CHRM3: variants seen among roughly 807,000 people sequenced by gnomAD.
CHRM3 encodes muscarinic acetylcholine receptor M3.
Under a neutral mutation model 41.8 loss-of-function variants are expected in CHRM3, and 11 were observed. The observed-to-expected ratio is 0.26, with a 90% CI of 0.17 to 0.44. The LOEUF (loss-of-function observed/expected upper bound fraction) is 0.44. CHRM3 is among the 20% of genes least tolerant of loss of function. The pLI is 1.00. For synonymous variants in CHRM3, 297 were observed against 301.4 expected (o/e 0.99, Z 0.15); for missense variants, 571 against 745.4 (o/e 0.77, Z 2.72).
intron 3 of CHRM3, among the ~76,000 whole-genome samples, chr1:239,594,347 A>G (rs1213295308): frequency 6.6e-6 from 1 of 152,226 alleles, no homozygotes; most frequent in Non-Finnish European, 1.5e-5. Context: ...GGTGTGTATC[A>G]CAAGATGCAC....
chr1:239,873,540 T>C (rs1676774552), intron 6 of CHRM3, among the ~76,000 whole-genome samples: 1 of 151,748 alleles, frequency 6.6e-6, no homozygotes, highest in Non-Finnish European at 1.5e-5. Flanking sequence ...CCCCTCCCTA[T>C]GTCCATGTGT....
chr1:239,770,996 G>A (rs1295202578), intron 5 of CHRM3, among the ~76,000 whole-genome samples: 1 of 151,840 alleles, frequency 6.6e-6, no homozygotes, highest in Non-Finnish European at 1.5e-5. Context: ...GCTGAGGCAG[G>A]GGAATTGCTT....
Position 239,419,822 on chromosome 1 carries a change from C to T in CHRM3, c.-521+32595C>T, listed in dbSNP as rs144340207. On this transcript the variant is annotated intron_variant, in intron 1 of 6. Transcript: ENST00000676153. Reference sequence around the variant, plus strand: ...ATTCTTCATGGGCTTATAAGAGCTTCTCGAGGGAACCATCAAACTGAACAA... The same window carrying T: ...ATTCTTCATGGGCTTATAAGAGCTTTTCGAGGGAACCATCAAACTGAACAA... Among the ~76,000 whole-genome samples, 18 of 152,308 alleles carry T rather than the reference C, an allele frequency of 1.2e-4. 1 individual carries two copies. The highest frequency in any genetic ancestry group is 3.8e-4 in the African/African-American group (16 of 41,572).
chr1:239,816,927 T>A (rs1671641420), intron 5 of CHRM3, among the ~76,000 whole-genome samples: 3 of 152,024 alleles, frequency 2.0e-5, no homozygotes, highest in Admixed American at 2.0e-4. Context: ...GAGACAGGGT[T>A]TCACCATGTT....
At chr1:239,684,714 G>T (rs1400834646) in intron 5 of CHRM3, among the ~76,000 whole-genome samples, 1 of 120,760 alleles carries the variant, frequency 8.3e-6, no homozygotes, top group African/African-American at 3.5e-5. Context: ...AGAGAGGAAA[G>T]AAGAAAGGAA....
intron 1 of CHRM3, among the ~76,000 whole-genome samples, chr1:239,478,926 T>G (rs553264136): frequency 6.6e-6 from 1 of 152,262 alleles, no homozygotes; most frequent in Admixed American, 6.5e-5. Context: ...CTCATGAATG[T>G]AATCCCAACA....
chr1:239,808,875 T>A (rs1255294988), intron 5 of CHRM3, among the ~76,000 whole-genome samples: 1 of 152,186 alleles, frequency 6.6e-6, no homozygotes, highest in Admixed American at 6.5e-5. Context: ...CTATTTAGAA[T>A]ACTGCTTTTT....
intron 1 of CHRM3, among the ~76,000 whole-genome samples, chr1:239,458,078 G>C (rs1473516689): frequency 6.6e-6 from 1 of 151,920 alleles, no homozygotes; most frequent in Non-Finnish European, 1.5e-5. Flanking sequence ...AAAAAAAAAA[G>C]TGTTATCAAG....
At chr1:239,679,870 G>A (rs1004185199) in intron 5 of CHRM3, among the ~76,000 whole-genome samples, 3 of 151,890 alleles carry the variant, frequency 2.0e-5, no homozygotes, top group South Asian at 2.1e-4. Context: ...TAATTTCTGC[G>A]TCTAACCCAT....
rs1334668008 is a variant in CHRM3 at position 239,908,575 on chromosome 1, G to T, written c.1124G>T (p.Ser375Ile). 1 of 1,594,370 alleles carries T rather than the reference G, an allele frequency of 6.3e-7. No individual in the cohort carries two copies. ...YSIVLKLPGHSTILNSTKLPS... is the reference protein window; with the variant it reads ...YSIVLKLPGHITILNSTKLPS... ...ATCGTGCTCAAGCTTCCGGGTCACA[G>T]CACCATCCTCAACTCCACCAAGTTA... is the stretch of plus-strand genomic sequence containing the variant. Residue 375 changes from serine (S) to isoleucine (I), a missense_variant, in exon 7 of 7, where the codon AGC (serine) becomes ATC (isoleucine). Physicochemically the swap from Ser to Ile is moderately radical, Grantham distance 142. Coordinates refer to ENST00000676153, the MANE Select transcript of CHRM3 (RefSeq NM_001375978.1). The surrounding 1 kb of genome is among the most constrained non-coding windows in gnomAD (Gnocchi z 7.2).
chr1:239,681,154 C>T (rs1423893787), intron 5 of CHRM3, among the ~76,000 whole-genome samples: 2 of 152,194 alleles, frequency 1.3e-5, no homozygotes, highest in Non-Finnish European at 1.5e-5. Flanking sequence ...CCTCCCGCAA[C>T]ACGTGGGAAT....
intron 3 of CHRM3, among the ~76,000 whole-genome samples, chr1:239,556,380 G>A (rs1437281313): frequency 6.6e-6 from 1 of 152,132 alleles, no homozygotes; most frequent in Non-Finnish European, 1.5e-5. Flanking sequence ...GTAGTCAAAT[G>A]ATATCGTCTC....
At chr1:239,578,984 T>C (rs943860932) in intron 3 of CHRM3, among the ~76,000 whole-genome samples, 18 of 152,226 alleles carry the variant, frequency 1.2e-4, no homozygotes, top group African/African-American at 4.3e-4. Context: ...CTATTAACTT[T>C]ACAATGTAAG....
intron 1 of CHRM3, among the ~76,000 whole-genome samples, chr1:239,403,192 C>T (rs370342464): frequency 5.9e-4 from 90 of 152,270 alleles, no homozygotes; most frequent in South Asian, 2.5e-3. Flanking sequence ...TTTCTCCATA[C>T]GCCTCGTAGA....
At chr1:239,708,697 T>G (rs1473493957) in intron 5 of CHRM3, among the ~76,000 whole-genome samples, 2 of 151,652 alleles carry the variant, frequency 1.3e-5, no homozygotes, top group Non-Finnish European at 2.9e-5. Flanking sequence ...AAAGTTACTG[T>G]TCTATTCCTG....
In CHRM3 at chr1:239,656,716, G is replaced by A. The variant is rs143327186; in HGVS notation, c.-249-21470G>A. Among the ~76,000 whole-genome samples, 516 of 152,108 alleles carry A rather than the reference G, an allele frequency of 3.4e-3. 1 individual carries two copies. Among genetic ancestry groups the A allele is most frequent in the African/African-American group, 0.012 (494 of 41,516 alleles). ...TAGGTGAGTTAAATGATTTTTTAAT[G>A]TTTTTACATTCTTGGTAATGAAAAT... On this transcript the variant is annotated intron_variant, in intron 4 of 6. Coordinates refer to ENST00000676153, the MANE Select transcript of CHRM3 (RefSeq NM_001375978.1).
chr1:239,405,857 A>G (rs1237123313), intron 1 of CHRM3, among the ~76,000 whole-genome samples: 2 of 152,030 alleles, frequency 1.3e-5, no homozygotes, highest in African/African-American at 2.4e-5. Flanking sequence ...CAATTTGGCT[A>G]TCTGCTCTAT....
intron 3 of CHRM3, among the ~76,000 whole-genome samples, chr1:239,595,842 A>C (rs1313431543): frequency 6.6e-6 from 1 of 152,110 alleles, no homozygotes; most frequent in African/African-American, 2.4e-5. Flanking sequence ...TTATTTTAGT[A>C]TTTATTTCTT....
chr1:239,445,547 G>A (rs1038533812), intron 1 of CHRM3, among the ~76,000 whole-genome samples: 2 of 152,158 alleles, frequency 1.3e-5, no homozygotes, highest in Non-Finnish European at 2.9e-5. Flanking sequence ...GGAGGTAGAA[G>A]TTTGACAATT....
Sources: allele counts gnomAD v4.1 joint callset (sites outside exome capture counted in the v4.1 genomes callset), GRCh38; gene constraint gnomAD v4.1.1; non-coding constraint Gnocchi (gnomAD v3.1); transcripts MANE v1.5; gene names NCBI Gene and HGNC (gene_info 2026-07-23, HGNC 2026-07-21).